The following AGBL2 variants were observed in gnomAD, a reference collection of about 807,000 sequenced individuals.
The protein encoded by AGBL2 is cytosolic carboxypeptidase 2.
AGBL2 carries 87 observed loss-of-function variants against 103.0 expected under a neutral mutation model. The ratio of observed to expected loss-of-function variants is 0.84; its 90% CI spans 0.71 to 1.01. AGBL2 has a LOEUF of 1.01. Ranked by LOEUF, AGBL2 falls within the 50% of genes least tolerant of loss-of-function variation. AGBL2 has a pLI of 0.00. For missense variants in AGBL2, 904 were observed against 1,023.5 expected (o/e 0.88, Z 1.59); for synonymous variants, 335 against 356.7 (o/e 0.94, Z 0.69).
intron 18 of AGBL2, among the ~76,000 whole-genome samples, chr11:47,660,556 ATTT>A (rs11380369): frequency 7.0e-6 from 1 of 143,398 alleles, no homozygotes; most frequent in Non-Finnish European, 1.5e-5. Context: ...CATGAGACAC[ATTT>A]TTTTTTTTTT....
chr11:47,694,426 T>C (rs991368587), intron 8 of AGBL2, among the ~76,000 whole-genome samples: 3 of 152,100 alleles, frequency 2.0e-5, no homozygotes, highest in African/African-American at 7.2e-5. Flanking sequence ...GCCCTAGCCA[T>C]GTATACTGCG....
intron 9 of AGBL2, among the ~76,000 whole-genome samples, chr11:47,691,626 T>C (rs1200025341): frequency 1.4e-5 from 2 of 144,396 alleles, no homozygotes; most frequent in East Asian, 2.1e-4. Context: ...GAGAATGGCA[T>C]GAACCTGGGA....
chr11:47,685,962 G>T lies in AGBL2; in HGVS notation c.1719C>A (p.Asn573Lys), dbSNP rs757437006. 4 of 1,613,948 alleles carry T rather than the reference G, an allele frequency of 2.5e-6. No homozygotes were observed. The highest frequency in any genetic ancestry group is 3.4e-6 in the Non-Finnish European group (4 of 1,179,914). Residue 573 changes from asparagine (N) to lysine (K), a missense_variant, in exon 11 of 19, where the codon AAC becomes AAA. Coordinates refer to ENST00000525123, the MANE Select transcript of AGBL2 (RefSeq NM_024783.4). ...KNNIFLYGCN[N>K]NNRKYWLHER... ...CATGAAGCCAGTATTTGCGATTGTT[G>T]TTATTACAGCCATACAGGAAGATAT...
At chr11:47,663,209 T>A in intron 17 of AGBL2, 97 bp from the exon 18 acceptor site, 5 of 721,244 alleles carry the variant, frequency 6.9e-6, no homozygotes, top group Non-Finnish European at 9.2e-6. Context: ...TCATACATGT[T>A]GATTCATTGT....
chr11:47,691,756 A>ATATATATATATT (rs1425683675), intron 9 of AGBL2, among the ~76,000 whole-genome samples: 1 of 91,858 alleles, frequency 1.1e-5, no homozygotes, highest in Non-Finnish European at 2.2e-5. Flanking sequence ...ATATATATAT[A>ATATATATATATT]ATTTGTGCAT....
intron 3 of AGBL2, chr11:47,710,993 A>G (rs1233390779): frequency 2.7e-6 from 1 of 376,318 alleles, no homozygotes; most frequent in African/African-American, 2.1e-5. Flanking sequence ...CAACATAGAA[A>G]GGGTTCCAAC....
At chr11:47,696,952 T>TA (rs1180658957) in intron 8 of AGBL2, among the ~76,000 whole-genome samples, 4 of 152,054 alleles carry the variant, frequency 2.6e-5, no homozygotes, top group African/African-American at 7.2e-5. Flanking sequence ...ATTTTTGAGA[T>TA]AGAGTCTCGC....
chr11:47,704,607 C>T lies in AGBL2; in HGVS notation c.522G>A (p.Arg174=). The change falls in exon 7 of 19, where the codon AGG becomes AGA. Residue 174 remains arginine, a synonymous_variant. Transcript: ENST00000525123. ...QELFSILSTK[R]PLQAPRWPIE... ...TTGGCCATCTTGGAGCCTGCAGTGGCCTCTTGGTAGACAAAATGGAAAAGA... is the reference window on the plus strand; with the variant it reads ...TTGGCCATCTTGGAGCCTGCAGTGGTCTCTTGGTAGACAAAATGGAAAAGA... 6.2e-7 allele frequency: 1 copy of T among 1,613,980 alleles called. No homozygotes were observed. Among genetic ancestry groups the T allele is most frequent in the Non-Finnish European group, 8.5e-7 (1 of 1,179,996 alleles).
chr11:47,661,320 A>G (rs1051907851), intron 18 of AGBL2, among the ~76,000 whole-genome samples: 1 of 152,198 alleles, frequency 6.6e-6, no homozygotes, highest in Admixed American at 6.5e-5. Context: ...ATAGCCTTCC[A>G]GCAATGAATG....
intron 8 of AGBL2, among the ~76,000 whole-genome samples, chr11:47,698,762 C>A (rs1022671116): frequency 6.6e-6 from 1 of 151,938 alleles, no homozygotes. Context: ...AGATGTTATT[C>A]AATTTCCACA....
intron 7 of AGBL2, 79 bp downstream of exon 7, chr11:47,704,464 T>G (rs933031726): frequency 1.6e-6 from 2 of 1,262,836 alleles, no homozygotes; most frequent in Admixed American, 2.4e-5. Flanking sequence ...GCCTGGGAAA[T>G]AGAGTGAGAC....
chr11:47,699,608 T>C lies in AGBL2; in HGVS notation c.587-55A>G. ...ATAAGAAATAATGTAAACGGCACTA[T>C]CAGAACTAATATAAAATAATAATAA... On this transcript the variant is annotated intron_variant, in intron 7 of 18. Coordinates refer to ENST00000525123, the MANE Select transcript of AGBL2 (RefSeq NM_024783.4). The C allele has an allele frequency of 4.2e-6, 4 of 945,272 alleles. No homozygotes were observed. The South Asian group carries it at 6.4e-5, about 15-fold the overall frequency. 58.6% of individuals were successfully genotyped at this position (945,272 alleles called of 1,614,324 possible). A position where few individuals can be genotyped will look rare whatever the true frequency, so the allele number is the denominator to read the frequency against.
chr11:47,684,577 G>GA (rs1244181096), intron 11 of AGBL2, among the ~76,000 whole-genome samples: 23 of 147,194 alleles, frequency 1.6e-4, no homozygotes, highest in East Asian at 1.2e-3. Flanking sequence ...ATAAGGAGAA[G>GA]AAAAAAAAAT....
intron 14 of AGBL2, among the ~76,000 whole-genome samples, chr11:47,676,445 C>T (rs1050186309): frequency 7.2e-5 from 11 of 152,282 alleles, no homozygotes; most frequent in Middle Eastern, 3.4e-3. Flanking sequence ...TTGCAAGAGC[C>T]TCCTATTGAG....
intron 13 of AGBL2, among the ~76,000 whole-genome samples, chr11:47,678,556 G>A (rs896485779): frequency 6.6e-6 from 1 of 150,524 alleles, no homozygotes; most frequent in Non-Finnish European, 1.5e-5. Context: ...GGCTGGTCTC[G>A]AACTCCTGAC....
chr11:47,704,777 G>T, intron 6 of AGBL2, 49 bp from the exon 7 acceptor site: 1 of 1,451,912 alleles, frequency 6.9e-7, no homozygotes, highest in Non-Finnish European at 9.6e-7. Flanking sequence ...TCCTCCTTGG[G>T]AACTTTACTG....
At chr11:47,694,713 C>T (rs746610424) in intron 8 of AGBL2, among the ~76,000 whole-genome samples, 9 of 152,272 alleles carry the variant, frequency 5.9e-5, no homozygotes, top group Admixed American at 1.3e-4. Flanking sequence ...AAAAGAGTCA[C>T]GACCAGTTTG....
At chr11:47,663,316 T>G (rs1233746700) in intron 17 of AGBL2, among the ~76,000 whole-genome samples, 1 of 152,202 alleles carries the variant, frequency 6.6e-6, no homozygotes. Context: ...ACCTACGATA[T>G]GCCAGGTGCT....
In AGBL2 at chr11:47,714,751, C is replaced by T. The variant is rs2135045760; in HGVS notation, c.-100-1G>A. On this transcript the variant is annotated splice_acceptor_variant, in intron 1 of 18. Coordinates refer to ENST00000525123, the MANE Select transcript of AGBL2 (RefSeq NM_024783.4). LOFTEE classifies it low-confidence loss of function (5UTR_SPLICE). Reference sequence around the variant, plus strand: ...TAGGCAGCTGATTACACAAGAGAAGCTACAAAGCCACAAGAGGACAAGTGA... The same window carrying T: ...TAGGCAGCTGATTACACAAGAGAAGTTACAAAGCCACAAGAGGACAAGTGA... 7.9e-7 allele frequency: 1 copy of T among 1,259,768 alleles called. No individual in the cohort carries two copies. 78.0% of individuals were successfully genotyped at this position (1,259,768 alleles called of 1,614,324 possible).
Sources: allele counts gnomAD v4.1 joint callset (sites outside exome capture counted in the v4.1 genomes callset), GRCh38; gene constraint gnomAD v4.1.1; transcripts MANE v1.5; gene names NCBI Gene and HGNC (gene_info 2026-07-23, HGNC 2026-07-21).